DAB1: variants seen among roughly 807,000 people sequenced by gnomAD.
DAB1 encodes the protein disabled homolog 1.
In DAB1, 15 loss-of-function variants were observed where a neutral mutation model predicts 64.6. The ratio of observed to expected loss-of-function variants is 0.23; its 90% CI spans 0.16 to 0.36. The LOEUF (loss-of-function observed/expected upper bound fraction) is 0.36. Among genes scored for constraint, DAB1 ranks in the 10% least tolerant of loss-of-function variants. The probability of loss-of-function intolerance (pLI) is 1.00; values close to 1 mark genes in which losing one functional copy is unlikely to be tolerated. For missense variants in DAB1, 596 were observed against 706.7 expected (o/e 0.84, Z 1.78); for synonymous variants, 235 against 251.9 (o/e 0.93, Z 0.64).
Position 57,015,302 on chromosome 1 carries a change from C to A in DAB1, c.1025G>T (p.Gly342Val). 6.2e-7 allele frequency: 1 copy of A among 1,614,078 alleles called. No homozygotes were observed. Among genetic ancestry groups the A allele is most frequent in the Non-Finnish European group, 8.5e-7 (1 of 1,180,032 alleles). ...AGTGGCAGGAAAGAGACCCGGCTGG[C>A]CCCATGCGATGGGCTGAGCCCCCGG... is the stretch of plus-strand genomic sequence containing the variant. The part of the protein sequence containing the change: ...VMPGAQPIAW[G>V]QPGLFPATQQ... The change falls in exon 12 of 15, where the codon GGC (glycine) becomes GTC (valine). Residue 342 changes from glycine (G) to valine (V), a missense_variant. Coordinates refer to ENST00000371236, the MANE Select transcript of DAB1 (RefSeq NM_001365792.1).
intron 4 of DAB1, among the ~76,000 whole-genome samples, chr1:58,286,726 T>C (rs902963821): frequency 6.6e-6 from 1 of 152,216 alleles, no homozygotes; most frequent in African/African-American, 2.4e-5. Context: ...GGTGGGAATG[T>C]AAATTAGTTC....
chr1:57,220,540 C>G (rs1666782244), intron 2 of DAB1, among the ~76,000 whole-genome samples: 1 of 152,160 alleles, frequency 6.6e-6, no homozygotes, highest in Admixed American at 6.5e-5. Context: ...ACCAGGGAAA[C>G]AGAGCCTTAG....
chr1:58,528,072 G>T (rs1160254637), intron 1 of DAB1, among the ~76,000 whole-genome samples: 1 of 152,196 alleles, frequency 6.6e-6, no homozygotes, highest in Non-Finnish European at 1.5e-5. Context: ...GTCTGTGATG[G>T]CCTGAAATAA....
chr1:58,364,381 CTCTTCCAG>C (rs1396927039), intron 3 of DAB1, among the ~76,000 whole-genome samples: 1 of 152,208 alleles, frequency 6.6e-6, no homozygotes, highest in African/African-American at 2.4e-5. Flanking sequence ...GTCCTTCTCC[CTCTTCCAG>C]TCTTCCAGTC....
chr1:57,745,014 T>C (rs1648197744), intron 6 of DAB1, among the ~76,000 whole-genome samples: 1 of 152,198 alleles, frequency 6.6e-6, no homozygotes, highest in Admixed American at 6.5e-5. Context: ...ATTTTAGCAA[T>C]ATGAATCTCA....
intron 8 of DAB1, among the ~76,000 whole-genome samples, chr1:57,068,406 TG>T (rs1651132148): frequency 6.6e-6 from 1 of 152,092 alleles, no homozygotes; most frequent in Non-Finnish European, 1.5e-5. Context: ...ACAAAGTTGT[TG>T]GTAGAACTAA....
chr1:58,459,952 G>A (rs1645227350), intron 3 of DAB1, among the ~76,000 whole-genome samples: 1 of 152,154 alleles, frequency 6.6e-6, no homozygotes, highest in Non-Finnish European at 1.5e-5. Flanking sequence ...CACTCCAGCT[G>A]GGTGGCAGAG....
rs1039573927 is a variant in DAB1 at position 58,007,365 on chromosome 1, C to T, written n.388-123203G>A. On this transcript the variant is annotated intron_variant and non_coding_transcript_variant, in intron 5 of 20. Transcript: ENST00000485760. ...ATGCTAAATGTGGAGACGGCTTTTG[C>T]AGCCAAAACATATAACATCCTGCTA... is the stretch of plus-strand genomic sequence containing the variant. Among the ~76,000 whole-genome samples, 5 of 152,162 alleles carry T rather than the reference C, an allele frequency of 3.3e-5. No individual in the cohort carries two copies. In the East Asian group the frequency reaches 9.6e-4, roughly 29 times the overall value.
At chr1:57,127,628 C>A (rs1312700214) in intron 4 of DAB1, among the ~76,000 whole-genome samples, 1 of 152,198 alleles carries the variant, frequency 6.6e-6, no homozygotes, top group African/African-American at 2.4e-5. Flanking sequence ...CACTCCCTGG[C>A]ACCCAGTAGG....
intron 2 of DAB1, among the ~76,000 whole-genome samples, chr1:57,159,992 C>T (rs889937374): frequency 6.6e-6 from 1 of 151,980 alleles, no homozygotes; most frequent in African/African-American, 2.4e-5. Context: ...CTCATCTGGG[C>T]AAATCAAGGA....
chr1:57,749,863 G>A (rs1648473767), intron 6 of DAB1, among the ~76,000 whole-genome samples: 1 of 152,158 alleles, frequency 6.6e-6, no homozygotes, highest in African/African-American at 2.4e-5. Context: ...CTGCTCAGTT[G>A]ACCAGCAGAG....
chr1:58,470,677 C>T (rs1292782737), intron 3 of DAB1, among the ~76,000 whole-genome samples: 1 of 152,146 alleles, frequency 6.6e-6, no homozygotes, highest in Admixed American at 6.5e-5. Context: ...CGGTTCTATT[C>T]CAGAACACGT....
intron 5 of DAB1, among the ~76,000 whole-genome samples, chr1:57,960,018 A>G (rs959934608): frequency 4.6e-5 from 7 of 152,166 alleles, no homozygotes; most frequent in Non-Finnish European, 7.3e-5. Context: ...TTGCTGGCAT[A>G]CCTTATGCAG....
At chr1:57,149,716 A>G (rs765010126) in intron 2 of DAB1, among the ~76,000 whole-genome samples, 59 of 152,286 alleles carry the variant, frequency 3.9e-4, no homozygotes, top group South Asian at 2.1e-4. Context: ...ACCATGAACC[A>G]TAGGAACCAT....
intron 1 of DAB1, among the ~76,000 whole-genome samples, chr1:57,850,662 C>T (rs962126800): frequency 6.6e-6 from 1 of 152,158 alleles, no homozygotes; most frequent in African/African-American, 2.4e-5. Flanking sequence ...CTGCAAGTGC[C>T]GGGCTGGACC....
chr1:58,540,711 A>G (rs536943734), intron 1 of DAB1, among the ~76,000 whole-genome samples: 23 of 145,522 alleles, frequency 1.6e-4, no homozygotes, highest in African/African-American at 4.3e-4. Flanking sequence ...AAAAAATACA[A>G]TAATAAAAAA....
At chr1:57,292,230 C>CTAGTTAATCTTAATCTAGTTA (rs1368790217) in intron 1 of DAB1, among the ~76,000 whole-genome samples, 1 of 152,174 alleles carries the variant, frequency 6.6e-6, no homozygotes, top group Non-Finnish European at 1.5e-5. Context: ...ACCTCTTAAT[C>CTAGTTAATCTTAATCTAGTTA]ATGACAATCT....
intron 1 of DAB1, among the ~76,000 whole-genome samples, chr1:57,882,908 C>T (rs1644166642): frequency 1.3e-5 from 2 of 152,164 alleles, no homozygotes; most frequent in South Asian, 4.1e-4. Flanking sequence ...GTACACCGAA[C>T]CCAGTTTTTT....
intron 4 of DAB1, among the ~76,000 whole-genome samples, chr1:58,290,413 G>A (rs1661788790): frequency 1.3e-5 from 2 of 152,114 alleles, no homozygotes; most frequent in South Asian, 2.1e-4. Flanking sequence ...TATGGGAAGA[G>A]GGGACTGTAA....
Sources: gnomAD v4.1 joint callset for allele counts (sites outside exome capture counted in the v4.1 genomes callset) on GRCh38, gnomAD v4.1.1 for gene constraint, MANE v1.5 for transcripts, NCBI Gene and HGNC (gene_info 2026-07-23, HGNC 2026-07-21) for gene names.